Variants in ERC2 observed in about 807,000 individuals in gnomAD.
ERC2 encodes ERC protein 2.
In ERC2, 42 loss-of-function variants were observed where a neutral mutation model predicts 114.8. That is an observed-to-expected ratio of 0.37 (90% CI 0.29 to 0.47). ERC2 has a LOEUF of 0.47. Among genes scored for constraint, ERC2 ranks in the 20% least tolerant of loss-of-function variants. ERC2 has a pLI of 0.99. For missense variants in ERC2, 939 were observed against 1,150.7 expected (o/e 0.82, Z 2.66); for synonymous variants, 454 against 425.5 (o/e 1.07, Z -0.82).
chr3:55,836,952 A>G (rs946550008), intron 14 of ERC2, among the ~76,000 whole-genome samples: 2 of 152,242 alleles, frequency 1.3e-5, no homozygotes, highest in African/African-American at 4.8e-5. Flanking sequence ...AAGGATATGA[A>G]CAGACATTTC....
chr3:56,162,955 T>C (rs977131547), intron 4 of ERC2, among the ~76,000 whole-genome samples: 1 of 152,034 alleles, frequency 6.6e-6, no homozygotes, highest in Non-Finnish European at 1.5e-5. Flanking sequence ...AGGTGTGATG[T>C]TAGATTGTTA....
chr3:56,110,798 T>G (rs1014900291), intron 6 of ERC2, among the ~76,000 whole-genome samples: 1 of 152,222 alleles, frequency 6.6e-6, no homozygotes, highest in Non-Finnish European at 1.5e-5. Context: ...CTTATTTGAT[T>G]CTACATATCT....
intron 2 of ERC2, among the ~76,000 whole-genome samples, chr3:56,375,367 T>C (rs1253232130): frequency 6.6e-6 from 1 of 152,168 alleles, no homozygotes; most frequent in Non-Finnish European, 1.5e-5. Context: ...GTCCCCAGTT[T>C]GGGTCAGGCA....
intron 3 of ERC2, among the ~76,000 whole-genome samples, chr3:56,186,943 G>A (rs897084498): frequency 6.6e-6 from 1 of 152,146 alleles, no homozygotes. Context: ...CTGAGAAGCA[G>A]AGCCTGAGAC....
At chr3:55,751,538 G>T (rs901661863) in intron 14 of ERC2, among the ~76,000 whole-genome samples, 1 of 152,198 alleles carries the variant, frequency 6.6e-6, no homozygotes, top group Non-Finnish European at 1.5e-5. Context: ...GAATATGAAT[G>T]TGGGAGTAAT....
At chr3:56,278,278 G>A (rs1339892492) in intron 3 of ERC2, among the ~76,000 whole-genome samples, 1 of 152,212 alleles carries the variant, frequency 6.6e-6, no homozygotes, top group Non-Finnish European at 1.5e-5. Flanking sequence ...TCCCCTGAGA[G>A]GGACATCACA....
intron 6 of ERC2, among the ~76,000 whole-genome samples, chr3:56,138,755 G>A (rs989636316): frequency 2.0e-5 from 3 of 152,094 alleles, no homozygotes; most frequent in African/African-American, 7.2e-5. Context: ...TTTCCCTATT[G>A]CCTGCTGCAT....
At chr3:55,843,362 T>G (rs1414370601) in intron 14 of ERC2, among the ~76,000 whole-genome samples, 1 of 152,184 alleles carries the variant, frequency 6.6e-6, no homozygotes, top group Non-Finnish European at 1.5e-5. Context: ...CTGTCCTAGA[T>G]GGCCTACACA....
intron 17 of ERC2, among the ~76,000 whole-genome samples, chr3:55,663,062 A>G (rs1265950985): frequency 6.6e-6 from 1 of 152,244 alleles, no homozygotes; most frequent in Non-Finnish European, 1.5e-5. Context: ...GATTAAATAA[A>G]TCAAGCCTAC....
At chr3:55,640,519 T>C (rs1016694711) in intron 17 of ERC2, among the ~76,000 whole-genome samples, 7 of 152,144 alleles carry the variant, frequency 4.6e-5, no homozygotes, top group African/African-American at 1.7e-4. Context: ...GGTGACCTGG[T>C]TCTGAGATGG....
chr3:56,084,935 G>C (rs1421911850), intron 6 of ERC2, among the ~76,000 whole-genome samples: 1 of 151,536 alleles, frequency 6.6e-6, no homozygotes, highest in African/African-American at 2.4e-5. Flanking sequence ...AAAGTCAATA[G>C]GAACAATAGA....
intron 2 of ERC2, among the ~76,000 whole-genome samples, chr3:56,298,257 T>C (rs2055587747): frequency 6.6e-6 from 1 of 152,238 alleles, no homozygotes; most frequent in African/African-American, 2.4e-5. Flanking sequence ...TTCATATCAA[T>C]GGTATCATGC....
At chr3:55,589,581 G>A (rs1001421259) in intron 17 of ERC2, among the ~76,000 whole-genome samples, 2 of 152,132 alleles carry the variant, frequency 1.3e-5, no homozygotes, top group South Asian at 2.1e-4. Flanking sequence ...CACCACCTGA[G>A]GCCTCCATGA....
chr3:55,569,861 A>ATTTTTTTTTTTTTTTTTTTTTTTT (rs375004734), intron 17 of ERC2, among the ~76,000 whole-genome samples: 1 of 125,230 alleles, frequency 8.0e-6, no homozygotes, highest in African/African-American at 3.0e-5. Context: ...CTTCATTTCT[A>ATTTTTTTTTTTTTTTTTTTTTTTT]TTTTTTTTTT....
intron 7 of ERC2, among the ~76,000 whole-genome samples, chr3:56,043,215 CA>C (rs2075286862): frequency 3.9e-5 from 6 of 152,060 alleles, no homozygotes; most frequent in Admixed American, 3.3e-4. Context: ...GAAGACCTAT[CA>C]AATTTAGTAT....
intron 7 of ERC2, among the ~76,000 whole-genome samples, chr3:56,041,701 A>T (rs1331009407): frequency 6.6e-6 from 1 of 151,994 alleles, no homozygotes; most frequent in Non-Finnish European, 1.5e-5. Context: ...GCCCAGTAAG[A>T]TATATATGGG....
chr3:55,599,148 A>G (rs1284061537), intron 17 of ERC2, among the ~76,000 whole-genome samples: 5 of 152,220 alleles, frequency 3.3e-5, no homozygotes, highest in African/African-American at 7.2e-5. Flanking sequence ...TGTTGAATAA[A>G]TGACTAATAA....
At chr3:56,132,419 A>G (rs1173974673) in intron 6 of ERC2, among the ~76,000 whole-genome samples, 1 of 152,196 alleles carries the variant, frequency 6.6e-6, no homozygotes, top group East Asian at 1.9e-4. Flanking sequence ...TGACTCAGAG[A>G]CAGAAAAATG....
chr3:56,027,630 G>A (rs2074125519), intron 7 of ERC2, among the ~76,000 whole-genome samples: 1 of 152,106 alleles, frequency 6.6e-6, no homozygotes, highest in South Asian at 2.1e-4. Flanking sequence ...TCGGTAAAAT[G>A]TCTCTTCAAG....
Sources: allele counts gnomAD v4.1 joint callset (sites outside exome capture counted in the v4.1 genomes callset), GRCh38; gene constraint gnomAD v4.1.1; transcripts MANE v1.5; gene names NCBI Gene and HGNC (gene_info 2026-07-23, HGNC 2026-07-21).